PTPRT: variants seen among roughly 807,000 people sequenced by gnomAD.
The protein encoded by PTPRT is receptor-type tyrosine-protein phosphatase T.
Under a neutral mutation model 176.8 loss-of-function variants are expected in PTPRT, and 56 were observed. The ratio of observed to expected loss-of-function variants is 0.32; its 90% CI spans 0.26 to 0.40. The LOEUF (loss-of-function observed/expected upper bound fraction) is 0.40, where lower values mean the gene tolerates loss of function less well. PTPRT is among the 10% of genes least tolerant of loss of function. The probability of loss-of-function intolerance (pLI) is 1.00; values close to 1 mark genes in which losing one functional copy is unlikely to be tolerated. For missense variants in PTPRT, 1,540 were observed against 1,908.2 expected (o/e 0.81, Z 3.60); for synonymous variants, 783 against 739.0 (o/e 1.06, Z -0.96).
intron 1 of PTPRT, among the ~76,000 whole-genome samples, chr20:43,073,289 G>A (rs1387312558): frequency 6.6e-6 from 1 of 152,034 alleles, no homozygotes; most frequent in African/African-American, 2.4e-5. Context: ...ATGTGTACAT[G>A]TTTTCCCATA....
chr20:42,929,386 C>CACATGTAT (rs1979689349), intron 1 of PTPRT, among the ~76,000 whole-genome samples: 1 of 152,158 alleles, frequency 6.6e-6, no homozygotes, highest in South Asian at 2.1e-4. Flanking sequence ...AATCATCTGT[C>CACATGTAT]ACATGTATAA....
chr20:42,099,482 A>G lies in PTPRT; in HGVS notation c.3715-930T>C, dbSNP rs1985655117. On this transcript the variant is annotated intron_variant, in intron 26 of 30. Coordinates refer to ENST00000373187, the MANE Select transcript of PTPRT (RefSeq NM_007050.6). ...GCTAGACAGTGCCACTCCAGTGAAT[A>G]AAACAATAAATTCAGTCCCGTGTTG... 2.1e-5 allele frequency among the ~76,000 whole-genome samples: 3 copies of G among 145,542 alleles called. No homozygotes were observed. The South Asian group carries it at 6.6e-4, about 32-fold the overall frequency.
chr20:42,687,107 T>C (rs967347577), intron 6 of PTPRT: 1 of 152,288 alleles, frequency 6.6e-6, no homozygotes, highest in South Asian at 2.1e-4. Flanking sequence ...TTGCTACTAA[T>C]ATCATCATCC....
intron 1 of PTPRT, among the ~76,000 whole-genome samples, chr20:43,154,883 C>T (rs916845295): frequency 1.1e-4 from 16 of 151,876 alleles, no homozygotes; most frequent in African/African-American, 3.6e-4. Context: ...TTAAAATGAG[C>T]AAAAGACTCG....
intron 17 of PTPRT, among the ~76,000 whole-genome samples, chr20:42,158,388 A>G (rs1320377493): frequency 1.3e-5 from 2 of 152,174 alleles, no homozygotes; most frequent in East Asian, 3.9e-4. Flanking sequence ...AACTGAATTG[A>G]ATTTTGTCTT....
intron 12 of PTPRT, among the ~76,000 whole-genome samples, chr20:42,303,341 G>A (rs1231535523): frequency 1.3e-5 from 2 of 152,202 alleles, no homozygotes; most frequent in South Asian, 4.1e-4. Context: ...GCCAGCAGGT[G>A]TTTCAAGATT....
intron 7 of PTPRT, among the ~76,000 whole-genome samples, chr20:42,541,907 G>C (rs1466724449): frequency 6.6e-6 from 1 of 151,276 alleles, no homozygotes; most frequent in Non-Finnish European, 1.5e-5. Flanking sequence ...GTTTGGCTGT[G>C]TCCCCACCCA....
At chr20:43,181,782 C>T (rs1272207830) in intron 1 of PTPRT, among the ~76,000 whole-genome samples, 1 of 152,024 alleles carries the variant, frequency 6.6e-6, no homozygotes, top group African/African-American at 2.4e-5. Flanking sequence ...GACTAGGGCT[C>T]TTTAAATAAT....
intron 13 of PTPRT, among the ~76,000 whole-genome samples, chr20:42,261,372 A>C (rs2056746127): frequency 6.7e-6 from 1 of 149,018 alleles, no homozygotes; most frequent in Non-Finnish European, 1.5e-5. Flanking sequence ...TTCTGACTTT[A>C]TCTAAACTAA....
rs922930123 is a variant in PTPRT, at chr20:43,091,790, T to C, written c.88+97856A>G. ...TGAGCTCATGGTCCCAGGAGGAAGG[T>C]AGGAGAGCACTTCACAGCGTGCAAT... is the stretch of plus-strand genomic sequence containing the variant. On this transcript the variant is annotated intron_variant, in intron 1 of 30. Coordinates refer to ENST00000373187, the MANE Select transcript of PTPRT (RefSeq NM_007050.6). Among the ~76,000 whole-genome samples the C allele has an allele frequency of 5.3e-5, 8 of 151,876 alleles. No homozygotes were observed. In the South Asian group the frequency reaches 1.5e-3, roughly 28 times the overall value.
At chr20:42,765,082 G>T (rs1351437472) in intron 5 of PTPRT, among the ~76,000 whole-genome samples, 1 of 152,206 alleles carries the variant, frequency 6.6e-6, no homozygotes, top group Non-Finnish European at 1.5e-5. Context: ...ATTCAGATCT[G>T]CTCCCAGTCC....
At chr20:42,936,771 A>C (rs1204694094) in intron 1 of PTPRT, among the ~76,000 whole-genome samples, 2 of 152,188 alleles carry the variant, frequency 1.3e-5, no homozygotes, top group Non-Finnish European at 1.5e-5. Flanking sequence ...TTAGATGTGG[A>C]GTGTGAAGGC....
chr20:42,298,006 GA>G (rs565886201), intron 12 of PTPRT, among the ~76,000 whole-genome samples: 9 of 151,258 alleles, frequency 6.0e-5, no homozygotes, highest in Non-Finnish European at 1.3e-4. Flanking sequence ...TGTAATAAAA[GA>G]AAAAAAATGA....
intron 5 of PTPRT, among the ~76,000 whole-genome samples, chr20:42,761,786 A>G (rs2076919198): frequency 6.6e-6 from 1 of 152,212 alleles, no homozygotes. Flanking sequence ...CTGCTGGTCC[A>G]TGAACCTTAC....
chr20:42,802,031 G>A (rs547709257), intron 2 of PTPRT, among the ~76,000 whole-genome samples: 9 of 152,328 alleles, frequency 5.9e-5, no homozygotes, highest in Non-Finnish European at 1.0e-4. Flanking sequence ...CTGACTCCAA[G>A]ATCAGTATCA....
chr20:42,061,423 A>G, the PTPRT span, among the ~76,000 whole-genome samples: 2 of 152,154 alleles, frequency 1.3e-5, no homozygotes, highest in Non-Finnish European at 2.9e-5. Flanking sequence ...GCCAGTGTAT[A>G]TAAGTATTTG....
chr20:43,156,797 C>T (rs926525647), intron 1 of PTPRT, among the ~76,000 whole-genome samples: 4 of 152,190 alleles, frequency 2.6e-5, no homozygotes, highest in African/African-American at 9.7e-5. Context: ...ACTGGAGTGT[C>T]TGAGATCATT....
At chr20:43,139,298 T>C (rs1229501822) in intron 1 of PTPRT, among the ~76,000 whole-genome samples, 2 of 152,206 alleles carry the variant, frequency 1.3e-5, no homozygotes, top group African/African-American at 2.4e-5. Flanking sequence ...TTCGCTTACA[T>C]GGAACCATGG....
intron 9 of PTPRT, among the ~76,000 whole-genome samples, chr20:42,400,026 G>T (rs1196108141): frequency 1.3e-5 from 2 of 152,120 alleles, no homozygotes; most frequent in Admixed American, 6.6e-5. Context: ...ACACAGCCTG[G>T]TCCACTTTGA....
Sources: allele counts gnomAD v4.1 joint callset (sites outside exome capture counted in the v4.1 genomes callset), GRCh38; gene constraint gnomAD v4.1.1; transcripts MANE v1.5; gene names NCBI Gene and HGNC (gene_info 2026-07-23, HGNC 2026-07-21).